Variants in EFL1 observed in about 807,000 individuals in gnomAD.
EFL1 encodes elongation factor-like GTPase 1.
In EFL1, 76 loss-of-function variants were observed where a neutral mutation model predicts 126.7. The ratio of observed to expected loss-of-function variants is 0.60; its 90% CI spans 0.50 to 0.73. EFL1 has a LOEUF of 0.73. Among genes scored for constraint, EFL1 ranks in the 30% least tolerant of loss-of-function variants. EFL1 has a pLI of 0.00. For missense variants in EFL1, 1,128 were observed against 1,343.2 expected (o/e 0.84, Z 2.50); for synonymous variants, 410 against 448.4 (o/e 0.91, Z 1.08).
Position 82,228,209 on chromosome 15 carries a change from T to A in EFL1, c.1051A>T (p.Ile351Leu). 2 of 1,613,318 alleles carry A rather than the reference T, an allele frequency of 1.2e-6. No individual in the cohort carries two copies. The highest frequency in any genetic ancestry group is 2.2e-5 in the South Asian group (2 of 90,928). Residue 351 changes from isoleucine to leucine, a missense_variant, in exon 10 of 20, where the codon ATA becomes TTA. By Grantham distance (5) the Ile-to-Leu change is conservative. Coordinates refer to ENST00000268206, the MANE Select transcript of EFL1 (RefSeq NM_024580.6). ...AGGATACCAAGAACAGCATGGGATA[T>A]GGGTAGCCACTGACTGCAAATGGCG... ...INAICSQWLP[I>L]SHAVLAMVCQ...
intron 15 of EFL1, among the ~76,000 whole-genome samples, chr15:82,209,322 C>CACAG (rs2074559809): frequency 7.9e-5 from 5 of 62,996 alleles, no homozygotes; most frequent in Non-Finnish European, 1.9e-4. Context: ...CACAGACACA[C>CACAG]ACACACACAC....
At chr15:82,225,126 C>T (rs1404035220) in intron 12 of EFL1, 39 bp downstream of exon 12, 2 of 1,507,562 alleles carry the variant, frequency 1.3e-6, no homozygotes, top group Non-Finnish European at 1.8e-6. Context: ...AAACATACAC[C>T]ATATTCCTAG....
chr15:82,140,967 T>A (rs1357042056), intron 18 of EFL1, among the ~76,000 whole-genome samples: 1 of 152,184 alleles, frequency 6.6e-6, no homozygotes, highest in East Asian at 1.9e-4. Flanking sequence ...CCCAAATATG[T>A]TCCCCTGAAG....
chr15:82,130,273 A>C lies in EFL1; in HGVS notation c.*100T>G, dbSNP rs2073623746. On this transcript the variant is annotated 3_prime_UTR_variant, in exon 20 of 20. Transcript: ENST00000268206. ...TGGATCAACTTTATTGAAAGTGAATAAACAGAGATAATGTGGCAAAAAGAA... is the reference window on the plus strand; with the variant it reads ...TGGATCAACTTTATTGAAAGTGAATCAACAGAGATAATGTGGCAAAAAGAA... 1 of 1,212,994 alleles carries C rather than the reference A, an allele frequency of 8.2e-7. No individual in the cohort carries two copies. The highest frequency in any genetic ancestry group is 2.5e-5 in the East Asian group (1 of 40,120). 75.1% of individuals were successfully genotyped at this position (1,212,994 alleles called of 1,614,324 possible). A position where few individuals can be genotyped will look rare whatever the true frequency, so the allele number is the denominator to read the frequency against.
chr15:82,156,562 C>T (rs969833818), intron 17 of EFL1, among the ~76,000 whole-genome samples: 16 of 152,116 alleles, frequency 1.1e-4, no homozygotes, highest in African/African-American at 3.6e-4. Flanking sequence ...GGATTAGAGG[C>T]GTGAGCCACC....
chr15:82,208,930 T>C (rs1157488355), intron 15 of EFL1, among the ~76,000 whole-genome samples: 1 of 152,134 alleles, frequency 6.6e-6, no homozygotes, highest in East Asian at 1.9e-4. Context: ...GTAATTATTA[T>C]TATGTACCAT....
chr15:82,206,204 G>GA (rs2074522872), intron 15 of EFL1, among the ~76,000 whole-genome samples: 1 of 151,722 alleles, frequency 6.6e-6, no homozygotes, highest in Non-Finnish European at 1.5e-5. Flanking sequence ...TTTCCTTTGA[G>GA]AAAAAAACAA....
At chr15:82,234,709 T>G (rs1424464107) in intron 7 of EFL1, among the ~76,000 whole-genome samples, 1 of 152,142 alleles carries the variant, frequency 6.6e-6, no homozygotes, top group African/African-American at 2.4e-5. Flanking sequence ...GATCCTTTCT[T>G]TCTTTCCAAT....
At chr15:82,244,194 C>T (rs1368808340) in intron 4 of EFL1, among the ~76,000 whole-genome samples, 1 of 151,934 alleles carries the variant, frequency 6.6e-6, no homozygotes, top group African/African-American at 2.4e-5. Context: ...ACAGAAGTCC[C>T]ATATCCATTA....
Position 82,151,659 on chromosome 15 carries a change from T to A in EFL1, c.2795A>T (p.Asp932Val). 1 of 1,614,174 alleles carries A rather than the reference T, an allele frequency of 6.2e-7. No individual in the cohort carries two copies. The change falls in exon 18 of 20, where the codon GAT becomes GTT. Residue 932 changes from aspartate (D) to valine (V), a missense_variant. Asp to Val is a radical substitution (Grantham distance 152). Around this residue, in one of 6 missense-constraint regions of EFL1, gnomAD observed 561 missense variants for 641.7 expected, o/e 0.87. Transcript: ENST00000268206. ...SGGNENQELQ[D>V]GCSEAFEKRT... ...CTTCTCAAAGGCCTCAGAGCAGCCA[T>A]CTTGTAGCTCTTGGTTTTCATTTCC...
intron 4 of EFL1, among the ~76,000 whole-genome samples, chr15:82,245,349 T>C (rs1371863950): frequency 6.6e-6 from 1 of 152,008 alleles, no homozygotes; most frequent in Non-Finnish European, 1.5e-5. Flanking sequence ...TGTGTTGCCG[T>C]GGCAGGTCTC....
intron 15 of EFL1, among the ~76,000 whole-genome samples, chr15:82,202,841 T>C (rs2074484755): frequency 6.6e-6 from 1 of 151,124 alleles, no homozygotes; most frequent in Non-Finnish European, 1.5e-5. Flanking sequence ...AGACGGAGTC[T>C]TGCTCTGTCG....
At position 82,203,788 on chromosome 15, in the gene EFL1, A is replaced by G. The variant is rs182274393; in HGVS notation, c.1750+10929T>C. On this transcript the variant is annotated intron_variant, in intron 15 of 19. Transcript: ENST00000268206. ...CATATAATGTACTTCATTCATCTTC[A>G]CGAATGTATAATATTCCATTGTGCA... is the stretch of plus-strand genomic sequence containing the variant. 2.6e-5 allele frequency among the ~76,000 whole-genome samples: 4 copies of G among 152,334 alleles called. No homozygotes were observed. The East Asian group carries it at 7.7e-4, about 29-fold the overall frequency.
chr15:82,217,806 G>A (rs1278496462), intron 14 of EFL1, among the ~76,000 whole-genome samples: 2 of 152,124 alleles, frequency 1.3e-5, no homozygotes, highest in African/African-American at 4.8e-5. Context: ...CAAAAGTGAT[G>A]AGATGTCACA....
intron 4 of EFL1, among the ~76,000 whole-genome samples, chr15:82,246,438 T>C (rs1296135766): frequency 2.0e-5 from 3 of 152,150 alleles, no homozygotes; most frequent in Non-Finnish European, 4.4e-5. Flanking sequence ...TGCTAATGCA[T>C]GTCATTACTG....
intron 2 of EFL1, among the ~76,000 whole-genome samples, chr15:82,259,896 ATATT>A (rs2075098477): frequency 1.3e-5 from 2 of 152,316 alleles, no homozygotes; most frequent in African/African-American, 4.8e-5. Context: ...AGAACTGAAG[ATATT>A]TAACACTGCT....
At chr15:82,246,863 G>C (rs971257916) in intron 4 of EFL1, among the ~76,000 whole-genome samples, 1 of 152,238 alleles carries the variant, frequency 6.6e-6, no homozygotes, top group East Asian at 1.9e-4. Flanking sequence ...TTTAAAATAG[G>C]TATTGGGAAG....
chr15:82,246,308 T>C (rs1359677966), intron 4 of EFL1, among the ~76,000 whole-genome samples: 1 of 152,064 alleles, frequency 6.6e-6, no homozygotes, highest in African/African-American at 2.4e-5. Flanking sequence ...CTTGGAAGGG[T>C]GTAAGAACCA....
chr15:82,145,696 T>C (rs997455770), intron 18 of EFL1, among the ~76,000 whole-genome samples: 3 of 149,534 alleles, frequency 2.0e-5, no homozygotes, highest in African/African-American at 7.4e-5. Flanking sequence ...TAGCCGGGAG[T>C]GGTGGCGGGT....
Sources: allele counts gnomAD v4.1 joint callset (sites outside exome capture counted in the v4.1 genomes callset), GRCh38; gene constraint gnomAD v4.1.1; regional missense constraint gnomAD v4.1.1; transcripts MANE v1.5; gene names NCBI Gene and HGNC (gene_info 2026-07-23, HGNC 2026-07-21).